Variants in ZNF300 observed in about 807,000 individuals in gnomAD.
The protein encoded by ZNF300 is kruppel-like zinc finger protein.
In ZNF300, 6 loss-of-function variants were observed where a neutral mutation model predicts 13.9. The ratio of observed to expected loss-of-function variants is 0.43; its 90% CI spans 0.24 to 0.85. The LOEUF is 0.85. Ranked by LOEUF, ZNF300 falls within the 40% of genes least tolerant of loss-of-function variation. ZNF300 has a pLI of 0.25. For missense variants in ZNF300, 662 were observed against 714.2 expected (o/e 0.93, Z 0.83); for synonymous variants, 237 against 242.2 (o/e 0.98, Z 0.20).
chr5:150,898,106 GAT>G lies in ZNF300; in HGVS notation c.219_220del (p.Ser74LysfsTer7), dbSNP rs1415946007. 3 of 1,613,456 alleles carry G rather than the reference GAT, an allele frequency of 1.9e-6. No homozygotes were observed. Among genetic ancestry groups the G allele is most frequent in the Non-Finnish European group, 2.5e-6 (3 of 1,179,716 alleles). ...ATATTCATCTGGATAGATCCAATTT[GAT>G]ATGTCTCCCTTTATGATCCATGGCT... is the stretch of plus-strand genomic sequence containing the variant. On this transcript the variant is annotated frameshift_variant, in exon 5 of 6. Coordinates refer to ENST00000274599, the MANE Select transcript of ZNF300 (RefSeq NM_052860.4). LOFTEE classifies it low-confidence loss of function (END_TRUNC).
chr5:150,898,464 C>T lies in ZNF300; in HGVS notation c.106G>A (p.Val36Met). The T allele has an allele frequency of 1.2e-6, 2 of 1,613,466 alleles. No homozygotes were observed. The highest frequency in any genetic ancestry group is 1.3e-5 in the African/African-American group (1 of 74,980). The change falls in exon 4 of 6, where the codon GTG (valine) becomes ATG (methionine). Residue 36 changes from valine to methionine, a missense_variant. Coordinates refer to ENST00000274599, the MANE Select transcript of ZNF300 (RefSeq NM_052860.4). ...AGGTGGCTGTAGTTCTCCAGCATCA[C>T]ATCCCTGTACAGGGTCCTCTGAGAA... is the stretch of plus-strand genomic sequence containing the variant. ...DPSQRTLYRD[V>M]MLENYSHLVS... is the part of the protein sequence containing the mutation.
At position 150,896,568 on chromosome 5, in the gene ZNF300, T is replaced by C; in HGVS notation, c.671A>G (p.Gln224Arg). Residue 224 changes from glutamine to arginine, a missense_variant, in exon 6 of 6, where the codon CAG (glutamine) becomes CGG (arginine). Coordinates refer to ENST00000274599, the MANE Select transcript of ZNF300 (RefSeq NM_052860.4). The part of the protein sequence containing the change: ...QSFGGGKSSS[Q>R]SEPNSNLEKI... ...CTCAAGATTAGAATTGGGCTCACTC[T>C]GGCTAGATGATTTTCCACCTCCAAA... 6.2e-7 allele frequency: 1 copy of C among 1,613,790 alleles called. No individual in the cohort carries two copies.
intron 3 of ZNF300, among the ~76,000 whole-genome samples, chr5:150,900,140 A>G (rs79121156): frequency 0.015 from 2,292 of 152,222 alleles, 59 homozygotes; most frequent in African/African-American, 0.053. Flanking sequence ...CATACTAAAT[A>G]TATGATTGAT....
Position 150,895,864 on chromosome 5 carries a change from G to T in ZNF300, c.1375C>A (p.His459Asn), listed in dbSNP as rs769095101. The T allele has an allele frequency of 6.2e-7, 1 of 1,613,626 alleles. No individual in the cohort carries two copies. The highest frequency in any genetic ancestry group is 8.5e-7 in the Non-Finnish European group (1 of 1,179,824). ...KTELITHQLV[H>N]TGEKPYECTE... is the part of the protein sequence containing the mutation. The stretch of plus-strand genomic sequence containing the variant: ...CATTCATAAGGTTTTTCCCCAGTAT[G>T]AACTAACTGATGTGTAATGAGTTCT... The change falls in exon 6 of 6, where the codon CAT (histidine) becomes AAT (asparagine). Residue 459 changes from histidine (H) to asparagine (N), a missense_variant. His to Asn is a moderately conservative substitution (Grantham distance 68). Coordinates refer to ENST00000274599, the MANE Select transcript of ZNF300 (RefSeq NM_052860.4).
At chr5:150,897,185 T>C (rs1431360875) in intron 5 of ZNF300, 2 of 424,860 alleles carry the variant, frequency 4.7e-6, no homozygotes, top group Non-Finnish European at 8.3e-6. Flanking sequence ...AAACTAAACT[T>C]AAAAGAGATG....
At position 150,895,456 on chromosome 5, in the gene ZNF300, G is replaced by A. The variant is rs2113308122; in HGVS notation, c.1783C>T (p.His595Tyr). The change falls in exon 6 of 6, where the codon CAC becomes TAC. Residue 595 changes from histidine to tyrosine, a missense_variant. His to Tyr is a moderately conservative substitution (Grantham distance 83, BLOSUM62 2). Transcript: ENST00000274599. ...AFIQKSQLTVHQRIHTVVKS is the reference protein window; with the variant it reads ...AFIQKSQLTVYQRIHTVVKS ...TTTACCACTGTGTGAATTCTCTGGT[G>A]TACAGTTAGTTGTGACTTCTGGATG... 6.2e-7 allele frequency: 1 copy of A among 1,610,916 alleles called. No individual in the cohort carries two copies. The highest frequency in any genetic ancestry group is 2.2e-5 in the East Asian group (1 of 44,798).
At chr5:150,898,224 C>T (rs368626773) in intron 4 of ZNF300, 40 bp from the exon 5 acceptor site, 2 of 1,608,660 alleles carry the variant, frequency 1.2e-6, no homozygotes, top group East Asian at 2.2e-5. Flanking sequence ...ATTGACTGCA[C>T]TGAAGGAAAA....
At position 150,896,925 on chromosome 5, in the gene ZNF300, A is replaced by G; in HGVS notation, c.314T>C (p.Val105Ala). Residue 105 changes from valine to alanine, a missense_variant, in exon 6 of 6, where the codon GTT becomes GCT. By Grantham distance (64) the Val-to-Ala change is moderately conservative (BLOSUM62 0). Coordinates refer to ENST00000274599, the MANE Select transcript of ZNF300 (RefSeq NM_052860.4). ...TTTCAGTATCTTATGATGGAAGGAA[A>G]CTGTCCCCAAAATACATGACTGGGA... ...HNSQSCILGT[V>A]SFHHKILKGV... 1 of 1,613,294 alleles carries G rather than the reference A, an allele frequency of 6.2e-7. No homozygotes were observed. The highest frequency in any genetic ancestry group is 8.5e-7 in the Non-Finnish European group (1 of 1,179,610).
In ZNF300 at chr5:150,895,672, A is replaced by C. The variant is rs750554027; in HGVS notation, c.1567T>G (p.Cys523Gly). Reference sequence around the variant, plus strand: ...GAGAAGGCTTTCCCACATTCAGTACATATATAAGGTTTTTCTCCTGTGTGA... The same window carrying C: ...GAGAAGGCTTTCCCACATTCAGTACCTATATAAGGTTTTTCTCCTGTGTGA... ...RIHTGEKPYICTECGKAFSQK... is the reference protein window; with the variant it reads ...RIHTGEKPYIGTECGKAFSQK... The change falls in exon 6 of 6, where the codon TGT (cysteine) becomes GGT (glycine). Residue 523 changes from cysteine to glycine, a missense_variant. Coordinates refer to ENST00000274599, the MANE Select transcript of ZNF300 (RefSeq NM_052860.4). 1 of 1,613,422 alleles carries C rather than the reference A, an allele frequency of 6.2e-7. No individual in the cohort carries two copies. The highest frequency in any genetic ancestry group is 1.1e-5 in the South Asian group (1 of 91,042).
chr5:150,900,689 A>C (rs1050653707), intron 3 of ZNF300: 1 of 152,094 alleles, frequency 6.6e-6, no homozygotes, highest in Non-Finnish European at 1.5e-5. Flanking sequence ...TTGTTAAATG[A>C]ATCATGATTA....
At chr5:150,904,129 G>T (rs989395211) in intron 1 of ZNF300, among the ~76,000 whole-genome samples, 152 bp from the exon 2 acceptor site, 5 of 152,092 alleles carry the variant, frequency 3.3e-5, no homozygotes, top group Non-Finnish European at 7.4e-5. Flanking sequence ...TATCAGTTTT[G>T]ATTTGTTTGG....
At chr5:150,901,491 C>G (rs763815429) in intron 3 of ZNF300, among the ~76,000 whole-genome samples, 8 of 151,884 alleles carry the variant, frequency 5.3e-5, no homozygotes, top group Non-Finnish European at 1.2e-4. Flanking sequence ...TATTAGACAG[C>G]ACGGCTCTAA....
In ZNF300 at chr5:150,896,176, A is replaced by G. The variant is rs1754767328; in HGVS notation, c.1063T>C (p.Cys355Arg). 3 of 1,613,580 alleles carry G rather than the reference A, an allele frequency of 1.9e-6. No individual in the cohort carries two copies. The East Asian group carries it at 6.7e-5, about 36-fold the overall frequency. The change falls in exon 6 of 6, where the codon TGT becomes CGT. Residue 355 changes from cysteine (C) to arginine (R), a missense_variant. Coordinates refer to ENST00000274599, the MANE Select transcript of ZNF300 (RefSeq NM_052860.4). ...GAGAAGGCTTTCCCGCATTCACTAC[A>G]TTCATAGGGTTTTTCCCCAGTGTGA... Reference protein sequence around the residue: ...RVHTGEKPYECSECGKAFSQK... With the variant: ...RVHTGEKPYERSECGKAFSQK...
At chr5:150,901,823 A>G (rs1461475657) in intron 3 of ZNF300, among the ~76,000 whole-genome samples, 1 of 152,252 alleles carries the variant, frequency 6.6e-6, no homozygotes, top group African/African-American at 2.4e-5. Context: ...ATCTGATAAA[A>G]TAGTAAAGGA....
intron 3 of ZNF300, among the ~76,000 whole-genome samples, chr5:150,901,083 G>A (rs897172368): frequency 6.6e-6 from 1 of 151,990 alleles, no homozygotes; most frequent in African/African-American, 2.4e-5. Flanking sequence ...AGGAGGATAT[G>A]TGTAAAAACG....
chr5:150,899,216 G>A (rs1754908700), intron 3 of ZNF300, among the ~76,000 whole-genome samples: 1 of 152,000 alleles, frequency 6.6e-6, no homozygotes, highest in Non-Finnish European at 1.5e-5. Context: ...TATTGTTTAA[G>A]CCACCCAGTT....
rs1470047660 is a variant in ZNF300, at chr5:150,894,461, CAACCTT to C, written c.*957_*962del. 1 of 152,150 alleles carries C rather than the reference CAACCTT, an allele frequency of 6.6e-6. No homozygotes were observed. Among genetic ancestry groups the C allele is most frequent in the East Asian group, 1.9e-4 (1 of 5,312 alleles). The allele number at this position is 152,150 out of a possible 1,614,324, so 9.4% of individuals were successfully genotyped here. A position where few individuals can be genotyped will look rare whatever the true frequency, so the allele number is the denominator to read the frequency against. ...AAATAAATCCAAGTATTAAAAAACA[CAACCTT>C]AACATAGCAAAAATAAGGCCACCAG... On this transcript the variant is annotated 3_prime_UTR_variant, in exon 6 of 6. Coordinates refer to ENST00000274599, the MANE Select transcript of ZNF300 (RefSeq NM_052860.4).
At chr5:150,897,137 T>C (rs760574206) in intron 5 of ZNF300, 164 bp from the exon 6 acceptor site, 65 of 498,014 alleles carry the variant, frequency 1.3e-4, no homozygotes, top group Non-Finnish European at 2.0e-4. Context: ...ATCAGGTGAA[T>C]AGACAGACAA....
chr5:150,903,855 G>C lies in ZNF300; in HGVS notation c.-28+9C>G, dbSNP rs1428469744. On this transcript the variant is annotated intron_variant, in intron 2 of 5. Coordinates refer to ENST00000274599, the MANE Select transcript of ZNF300 (RefSeq NM_052860.4). ...AAAAGAGTATACCACAATGCAGGAA[G>C]GTAAATACCTGGTAAATTTTCCTCA... is the stretch of plus-strand genomic sequence containing the variant. The C allele has an allele frequency of 1.9e-5, 3 of 157,494 alleles. No individual in the cohort carries two copies. The highest frequency in any genetic ancestry group is 7.2e-5 in the African/African-American group (3 of 41,480). 9.8% of individuals were successfully genotyped at this position (157,494 alleles called of 1,614,324 possible). A position where few individuals can be genotyped will look rare whatever the true frequency, so the allele number is the denominator to read the frequency against.
Sources: allele counts gnomAD v4.1 joint callset (sites outside exome capture counted in the v4.1 genomes callset), GRCh38; gene constraint gnomAD v4.1.1; transcripts MANE v1.5; gene names NCBI Gene and HGNC (gene_info 2026-07-23, HGNC 2026-07-21).